Variants in ABR observed in about 807,000 individuals in gnomAD.
The protein encoded by ABR is ABR activator of RhoGEF and GTPase.
ABR carries 35 observed loss-of-function variants against 107.2 expected under a neutral mutation model. That is an observed-to-expected ratio of 0.33 (90% CI 0.25 to 0.43). The LOEUF is 0.43. Ranked by LOEUF, ABR falls within the 20% of genes least tolerant of loss-of-function variation. The probability of loss-of-function intolerance (pLI) is 1.00; values close to 1 mark genes in which losing one functional copy is unlikely to be tolerated. For synonymous variants in ABR, 498 were observed against 462.0 expected, an observed-to-expected ratio of 1.08 and a Z score of -1.00; for missense variants, 815 against 1,115.2, an observed-to-expected ratio of 0.73 and a Z score of 3.83.
At chr17:1,227,113 T>TAA (rs2043236632) in intron 1 of ABR, among the ~76,000 whole-genome samples, 1 of 152,182 alleles carries the variant, frequency 6.6e-6, no homozygotes, top group Non-Finnish European at 1.5e-5. Context: ...TGACTCTTGT[T>TAA]ATCATTGGTC....
chr17:1,157,344 G>A lies in ABR; in HGVS notation c.61+22323C>T, dbSNP rs369201241. The stretch of plus-strand genomic sequence containing the variant: ...TAGCTCACTGCAACCTCCACCTCCC[G>A]GGTTCAAGTAATTCTCCTGCCTCAG... On this transcript the variant is annotated intron_variant, in intron 1 of 22. Coordinates refer to ENST00000302538, the MANE Select transcript of ABR (RefSeq NM_021962.5). The surrounding 1 kb of genome is among the most constrained non-coding windows in gnomAD (Gnocchi z 4.7). Among the ~76,000 whole-genome samples the A allele has an allele frequency of 4.0e-5, 6 of 150,966 alleles. No individual in the cohort carries two copies. Among genetic ancestry groups the A allele is most frequent in the East Asian group, 1.9e-4 (1 of 5,142 alleles).
intron 1 of ABR, among the ~76,000 whole-genome samples, chr17:1,218,042 C>T (rs774411437): frequency 1.3e-5 from 2 of 152,204 alleles, no homozygotes; most frequent in Non-Finnish European, 2.9e-5. Flanking sequence ...GTTGGCCAGG[C>T]TGGCCTCGAA....
chr17:1,143,976 T>G (rs2151505439), intron 1 of ABR, among the ~76,000 whole-genome samples: 1 of 152,188 alleles, frequency 6.6e-6, no homozygotes, highest in East Asian at 1.9e-4. Context: ...CCAGGGAGGT[T>G]GTCAAAGTAG....
chr17:1,035,590 C>T (rs1254956086), intron 16 of ABR, among the ~76,000 whole-genome samples: 1 of 866 alleles, frequency 1.2e-3, no homozygotes, highest in Non-Finnish European at 3.0e-3. Flanking sequence ...CTGCTCCCCC[C>T]ACCCCTTCCA....
intron 16 of ABR, among the ~76,000 whole-genome samples, chr17:1,024,162 G>A (rs1350445245): frequency 6.6e-6 from 1 of 152,088 alleles, no homozygotes; most frequent in Non-Finnish European, 1.5e-5. Flanking sequence ...GCAATTCCAG[G>A]GCCCAGGTCA....
chr17:1,105,995 A>G (rs148616184), intron 2 of ABR, among the ~76,000 whole-genome samples: 98 of 152,320 alleles, frequency 6.4e-4, no homozygotes, highest in Middle Eastern at 3.4e-3. Flanking sequence ...AACCCTACCT[A>G]TCTTTAAATA....
chr17:1,006,076 C>G lies in ABR; in HGVS notation c.*4G>C. Reference sequence around the variant, plus strand: ...CCACCCGCCCGCAGCCACCCTGCCTCGGGCTACACGTCGGTGGAGAAGTAC... The same window carrying G: ...CCACCCGCCCGCAGCCACCCTGCCTGGGGCTACACGTCGGTGGAGAAGTAC... On this transcript the variant is annotated 3_prime_UTR_variant, in exon 23 of 23. Coordinates refer to ENST00000302538, the MANE Select transcript of ABR (RefSeq NM_021962.5). 6.4e-7 allele frequency: 1 copy of G among 1,561,306 alleles called. No individual in the cohort carries two copies. Among genetic ancestry groups the G allele is most frequent in the South Asian group, 1.2e-5 (1 of 84,800 alleles).
At chr17:1,108,758 CGGT>C (rs2038433328) in intron 2 of ABR, among the ~76,000 whole-genome samples, 1 of 152,122 alleles carries the variant, frequency 6.6e-6, no homozygotes, top group African/African-American at 2.4e-5. Flanking sequence ...CCGAGGACAC[CGGT>C]CGGGGAGGCA....
intron 1 of ABR, among the ~76,000 whole-genome samples, chr17:1,203,324 TG>T (rs1295414935): frequency 1.5e-3 from 50 of 34,238 alleles, no homozygotes; most frequent in Admixed American, 4.0e-3. Flanking sequence ...GCGGAGTCCA[TG>T]GGGGGCGGGG....
chr17:1,005,609 A>C lies in ABR; in HGVS notation c.*471T>G. On this transcript the variant is annotated 3_prime_UTR_variant, in exon 23 of 23. Coordinates refer to ENST00000302538, the MANE Select transcript of ABR (RefSeq NM_021962.5). ...CTGGGAAGGAAGAGCGGGTGGAGGA[A>C]GACTGAGGGGAGGCTGCCAGGAGAC... The C allele has an allele frequency of 5.0e-6, 1 of 198,396 alleles. No individual in the cohort carries two copies. The highest frequency in any genetic ancestry group is 1.0e-5 in the Non-Finnish European group (1 of 97,838). The allele number at this position is 198,396 out of a possible 1,614,324, so 12.3% of individuals were successfully genotyped here. A position where few individuals can be genotyped will look rare whatever the true frequency, so the allele number is the denominator to read the frequency against.
At chr17:1,195,368 T>A (rs1393973695) in intron 1 of ABR, among the ~76,000 whole-genome samples, 1 of 150,012 alleles carries the variant, frequency 6.7e-6, no homozygotes, top group Admixed American at 6.6e-5. Context: ...AGTGCTGGGA[T>A]TACAGGCGTG....
At chr17:1,168,185 C>T (rs1390889302) in intron 1 of ABR, among the ~76,000 whole-genome samples, 56 of 152,196 alleles carry the variant, frequency 3.7e-4, no homozygotes, top group Admixed American at 3.6e-3. Flanking sequence ...ACTCGGGAGG[C>T]TGAGGCAGGA....
At chr17:1,053,338 G>A (rs2440038) in intron 14 of ABR, among the ~76,000 whole-genome samples, 2 of 39,616 alleles carry the variant, frequency 5.0e-5, no homozygotes, top group Admixed American at 3.2e-4. Context: ...GGGAGGGTTC[G>A]AGAAGGGGCT....
Position 1,210,692 on chromosome 17 carries a change from A to C in ABR, c.838+18101T>G, listed in dbSNP as rs529165589. ...CTCTCTGCTTCCTGGCTCCTAACAC[A>C]AAAGGATTACTTTATCACTTTATCA... On this transcript the variant is annotated intron_variant, in intron 1 of 22. Transcript: ENST00000574139. The surrounding 1 kb of genome is among the most constrained non-coding windows in gnomAD (Gnocchi z 5.6). 6.6e-6 allele frequency among the ~76,000 whole-genome samples: 1 copy of C among 152,292 alleles called. No individual in the cohort carries two copies. Among genetic ancestry groups the C allele is most frequent in the East Asian group, 1.9e-4 (1 of 5,180 alleles).
At chr17:1,058,984 G>T in intron 10 of ABR, 117 bp from the exon 11 acceptor site, 13 of 1,456,578 alleles carry the variant, frequency 8.9e-6, no homozygotes, top group Non-Finnish European at 1.2e-5. Context: ...CGTATTTCGT[G>T]ATGTTTTGAC....
intron 1 of ABR, among the ~76,000 whole-genome samples, chr17:1,214,928 T>C (rs1174230435): frequency 6.6e-6 from 1 of 151,896 alleles, no homozygotes; most frequent in East Asian, 1.9e-4. Context: ...ACCAAAAAAG[T>C]ATTGCTCTTG....
In ABR at chr17:1,200,203, T is replaced by C. The variant is rs2042645297; in HGVS notation, c.838+28590A>G. Among the ~76,000 whole-genome samples the C allele has an allele frequency of 2.0e-5, 3 of 151,810 alleles. No homozygotes were observed. The highest frequency in any genetic ancestry group is 6.6e-5 in the Admixed American group (1 of 15,244). On this transcript the variant is annotated intron_variant, in intron 1 of 22. Coordinates refer to the ABR transcript ENST00000574139. This position sits in a 1 kb window ranked among gnomAD's most constrained non-coding sequence, Gnocchi z 4.1. ...CAAATAATACAGCATAACAACCACA[T>C]AGCATTTGCAATGTATTAGGTATTA...
In ABR at chr17:1,051,901, C is replaced by G. The variant is rs1030385673; in HGVS notation, c.1562-1267G>C. ...CCAGCCTGACCAACATGGTGAAACC[C>G]CATCTCTACTAAAAATACAAAAGTG... On this transcript the variant is annotated intron_variant, in intron 14 of 22. Transcript: ENST00000302538. The surrounding 1 kb of genome is among the most constrained non-coding windows in gnomAD (Gnocchi z 4.3). 2.0e-5 allele frequency among the ~76,000 whole-genome samples: 3 copies of G among 152,070 alleles called. No individual in the cohort carries two copies. The highest frequency in any genetic ancestry group is 2.1e-4 in the South Asian group (1 of 4,814).
At chr17:1,062,876 G>A (rs948982242) in intron 10 of ABR, among the ~76,000 whole-genome samples, 3 of 143,886 alleles carry the variant, frequency 2.1e-5, no homozygotes, top group Non-Finnish European at 3.1e-5. Flanking sequence ...TCTAGACACT[G>A]TTATGTGAAC....
Sources: gnomAD v4.1 joint callset for allele counts (sites outside exome capture counted in the v4.1 genomes callset) on GRCh38, gnomAD v4.1.1 for gene constraint, Gnocchi (gnomAD v3.1) non-coding constraint, MANE v1.5 for transcripts, NCBI Gene and HGNC (gene_info 2026-07-23, HGNC 2026-07-21) for gene names.